RABGAP1L: variants seen among roughly 807,000 people sequenced by gnomAD.
RABGAP1L encodes RAB GTPase activating protein 1 like, also known as rab GTPase-activating protein 1-like.
RABGAP1L carries 63 observed loss-of-function variants against 137.7 expected under a neutral mutation model. That is an observed-to-expected ratio of 0.46 (90% CI 0.37 to 0.56). The LOEUF (loss-of-function observed/expected upper bound fraction) is 0.56. Among genes scored for constraint, RABGAP1L ranks in the 20% least tolerant of loss-of-function variants. The pLI, the probability that RABGAP1L is intolerant of heterozygous loss-of-function variation, is 0.00. For synonymous variants in RABGAP1L, 431 were observed against 433.7 expected, an observed-to-expected ratio of 0.99 and a Z score of 0.08; for missense variants, 1,095 against 1,244.0, an observed-to-expected ratio of 0.88 and a Z score of 1.80.
chr1:174,255,984 C>T (rs1297461544), intron 7 of RABGAP1L, among the ~76,000 whole-genome samples: 1 of 152,214 alleles, frequency 6.6e-6, no homozygotes, highest in Non-Finnish European at 1.5e-5. Context: ...CCACAGTATA[C>T]TTATCAACAT....
At chr1:174,901,393 T>G (rs542655245) in intron 19 of RABGAP1L, among the ~76,000 whole-genome samples, 1 of 152,320 alleles carries the variant, frequency 6.6e-6, no homozygotes, top group South Asian at 2.1e-4. Context: ...CTTCTTCACA[T>G]GGTGGTAGGA....
chr1:174,548,364 A>G, intron 13 of RABGAP1L: 2 of 1,057,980 alleles, frequency 1.9e-6, no homozygotes, highest in South Asian at 6.6e-5. Flanking sequence ...CCCTTACTTT[A>G]AAAGTCCTGT....
chr1:174,444,388 C>T (rs1654502230), intron 13 of RABGAP1L, among the ~76,000 whole-genome samples: 1 of 151,688 alleles, frequency 6.6e-6, no homozygotes, highest in South Asian at 2.1e-4. Context: ...GGGATATTGG[C>T]CTCCTATAAT....
intron 19 of RABGAP1L, among the ~76,000 whole-genome samples, chr1:174,916,999 G>A (rs1660987969): frequency 6.6e-6 from 1 of 152,194 alleles, no homozygotes; most frequent in Non-Finnish European, 1.5e-5. Context: ...TTTGGTTCCT[G>A]GTGAGAACTC....
At chr1:174,186,548 C>G (rs1370568959) in intron 1 of RABGAP1L, among the ~76,000 whole-genome samples, 2 of 152,186 alleles carry the variant, frequency 1.3e-5, no homozygotes, top group African/African-American at 4.8e-5. Context: ...CCCTTCTACA[C>G]CAACCTGTAG....
At chr1:174,225,271 CTG>C (rs1287249284) in intron 3 of RABGAP1L, among the ~76,000 whole-genome samples, 3 of 151,692 alleles carry the variant, frequency 2.0e-5, no homozygotes, top group Non-Finnish European at 4.4e-5. Context: ...TTTTGTTTCT[CTG>C]TGGATAGTTT....
intron 19 of RABGAP1L, among the ~76,000 whole-genome samples, chr1:174,894,425 A>G (rs1347998296): frequency 6.6e-6 from 1 of 152,250 alleles, no homozygotes; most frequent in Non-Finnish European, 1.5e-5. Flanking sequence ...GATTTGAGAA[A>G]CAAGGTTTAA....
intron 14 of RABGAP1L, among the ~76,000 whole-genome samples, chr1:174,675,099 C>T (rs1470212162): frequency 1.3e-5 from 2 of 151,958 alleles, no homozygotes; most frequent in Non-Finnish European, 2.9e-5. Flanking sequence ...TTAATTAGAT[C>T]CCATTTGTCA....
intron 13 of RABGAP1L, among the ~76,000 whole-genome samples, chr1:174,395,549 C>G (rs574730483): frequency 6.6e-6 from 1 of 152,022 alleles, no homozygotes; most frequent in African/African-American, 2.4e-5. Flanking sequence ...ACATGCATCA[C>G]TATAAAAAAC....
intron 20 of RABGAP1L, 108 bp downstream of exon 20, chr1:174,957,657 T>G (rs2149342760): frequency 2.0e-6 from 2 of 1,021,158 alleles, no homozygotes; most frequent in East Asian, 5.2e-5. Flanking sequence ...CCTCAAGCAA[T>G]CCTCCCACTC....
At chr1:174,858,461 A>G (rs1220363447) in intron 19 of RABGAP1L, among the ~76,000 whole-genome samples, 2 of 152,306 alleles carry the variant, frequency 1.3e-5, no homozygotes, top group East Asian at 3.9e-4. Flanking sequence ...GCAGAGGCCA[A>G]TGATTGTGCA....
chr1:174,887,866 C>A (rs1431102786), intron 19 of RABGAP1L, among the ~76,000 whole-genome samples: 1 of 152,002 alleles, frequency 6.6e-6, no homozygotes, highest in African/African-American at 2.4e-5. Context: ...AAAACCCAAT[C>A]TCTACCAAAA....
chr1:174,888,543 G>C (rs1573676586), intron 19 of RABGAP1L, among the ~76,000 whole-genome samples: 1 of 152,058 alleles, frequency 6.6e-6, no homozygotes, highest in African/African-American at 2.4e-5. Context: ...CCCTATGTCA[G>C]CTTTTTTTAT....
At chr1:174,733,771 C>A (rs948913720) in intron 17 of RABGAP1L, among the ~76,000 whole-genome samples, 7 of 152,140 alleles carry the variant, frequency 4.6e-5, no homozygotes, top group Non-Finnish European at 8.8e-5. Context: ...TTTGATGTCT[C>A]CCTTAAAGGG....
At chr1:174,843,409 G>T (rs1167801821) in intron 19 of RABGAP1L, among the ~76,000 whole-genome samples, 1 of 150,164 alleles carries the variant, frequency 6.7e-6, no homozygotes, top group African/African-American at 2.5e-5. Flanking sequence ...CCCAGAGTGT[G>T]ATATTCCCCT....
intron 18 of RABGAP1L, among the ~76,000 whole-genome samples, chr1:174,769,813 A>T (rs973650860): frequency 1.3e-5 from 2 of 152,084 alleles, no homozygotes; most frequent in Non-Finnish European, 2.9e-5. Flanking sequence ...AGATCACGCC[A>T]CTGCACTCCA....
intron 13 of RABGAP1L, among the ~76,000 whole-genome samples, chr1:174,396,276 A>T (rs531346660): frequency 1.3e-5 from 2 of 152,134 alleles, no homozygotes. Flanking sequence ...TGAATATACT[A>T]AAAACCACTG....
intron 10 of RABGAP1L, among the ~76,000 whole-genome samples, chr1:174,300,694 C>T (rs768726912): frequency 6.6e-6 from 1 of 151,942 alleles, no homozygotes; most frequent in Non-Finnish European, 1.5e-5. Context: ...GGGTGAAACC[C>T]CATCTCTACT....
chr1:174,615,819 G>T (rs1490951956), intron 13 of RABGAP1L, among the ~76,000 whole-genome samples: 1 of 152,248 alleles, frequency 6.6e-6, no homozygotes, highest in Admixed American at 6.5e-5. Flanking sequence ...CCGCCTTGCA[G>T]TTTGATCTCC....
Sources: gnomAD v4.1 joint callset for allele counts (sites outside exome capture counted in the v4.1 genomes callset) on GRCh38, gnomAD v4.1.1 for gene constraint, MANE v1.5 for transcripts, NCBI Gene and HGNC (gene_info 2026-07-23, HGNC 2026-07-21) for gene names.